Variants in TFEC observed in about 807,000 individuals in gnomAD.
TFEC encodes the protein class E basic helix-loop-helix protein 34.
TFEC carries 31 observed loss-of-function variants against 41.6 expected under a neutral mutation model. The ratio of observed to expected loss-of-function variants is 0.74; its 90% CI spans 0.56 to 1.01. The LOEUF (loss-of-function observed/expected upper bound fraction) is 1.01, where lower values mean the gene tolerates loss of function less well. Among genes scored for constraint, TFEC ranks in the 50% least tolerant of loss-of-function variants. The pLI is 0.00. For missense variants in TFEC, 402 were observed against 404.1 expected (o/e 0.99, Z 0.04); for synonymous variants, 143 against 140.6 (o/e 1.02, Z -0.12).
intron 1 of TFEC, among the ~76,000 whole-genome samples, chr7:116,027,884 T>C (rs1795645262): frequency 6.6e-6 from 1 of 152,158 alleles, no homozygotes; most frequent in South Asian, 2.1e-4. Flanking sequence ...AATTCCTTTT[T>C]TTAGATCGAT....
At chr7:116,143,272 C>G (rs191417274) in intron 1 of TFEC, among the ~76,000 whole-genome samples, 1 of 152,266 alleles carries the variant, frequency 6.6e-6, no homozygotes, top group East Asian at 1.9e-4. Flanking sequence ...TTCAGACCAC[C>G]TGCCTGACTT....
In TFEC at chr7:115,937,888, G is replaced by C. The variant is rs555031014; in HGVS notation, c.*2663C>G. Reference sequence around the variant, plus strand: ...AAACAGTTCTATACTTTTCTAGGGAGAGGGTCTATAACTCACTAGATTCTC... The same window carrying C: ...AAACAGTTCTATACTTTTCTAGGGACAGGGTCTATAACTCACTAGATTCTC... On this transcript the variant is annotated 3_prime_UTR_variant, in exon 8 of 8. Transcript: ENST00000265440. 6.6e-6 allele frequency: 1 copy of C among 151,900 alleles called. No homozygotes were observed. The highest frequency in any genetic ancestry group is 1.9e-4 in the East Asian group (1 of 5,162). The allele number at this position is 151,900 out of a possible 1,614,324, so 9.4% of individuals were successfully genotyped here. A position where few individuals can be genotyped will look rare whatever the true frequency, so the allele number is the denominator to read the frequency against.
chr7:116,060,630 T>G (rs1796531874), intron 3 of TFEC, among the ~76,000 whole-genome samples: 1 of 152,144 alleles, frequency 6.6e-6, no homozygotes, highest in African/African-American at 2.4e-5. Flanking sequence ...AAATACTGTA[T>G]GTTTTCACTT....
Position 115,983,458 on chromosome 7 carries a change from C to G in TFEC, c.180+804G>C, listed in dbSNP as rs141712606. ...ATTGACCTGAAATCGGCAATAAACA[C>G]CAGGAATGTAGATTGGGAGATTAAA... On this transcript the variant is annotated intron_variant, in intron 2 of 7. Transcript: ENST00000265440. Among the ~76,000 whole-genome samples, 18 of 151,996 alleles carry G rather than the reference C, an allele frequency of 1.2e-4. No individual in the cohort carries two copies. In the East Asian group the frequency reaches 3.5e-3, roughly 29 times the overall value.
At chr7:116,154,637 T>C (rs963769476) in intron 1 of TFEC, among the ~76,000 whole-genome samples, 6 of 152,200 alleles carry the variant, frequency 3.9e-5, no homozygotes, top group African/African-American at 1.4e-4. Context: ...TTAATGAATA[T>C]ATAATTCTTT....
chr7:115,990,742 A>T (rs1794071737), intron 1 of TFEC, among the ~76,000 whole-genome samples: 1 of 152,238 alleles, frequency 6.6e-6, no homozygotes, highest in East Asian at 1.9e-4. Flanking sequence ...AAAAAGACCA[A>T]ATCTACATCT....
chr7:116,104,965 C>T (rs954969674), intron 3 of TFEC, among the ~76,000 whole-genome samples: 14 of 152,254 alleles, frequency 9.2e-5, no homozygotes, highest in African/African-American at 3.4e-4. Context: ...TATTTTTTCA[C>T]TGCCTTCTCA....
intron 3 of TFEC, among the ~76,000 whole-genome samples, chr7:116,097,440 C>T (rs1264113591): frequency 6.6e-6 from 1 of 152,116 alleles, no homozygotes; most frequent in Non-Finnish European, 1.5e-5. Flanking sequence ...AATATGCCAA[C>T]ATCAATATTC....
chr7:115,956,679 C>G lies in TFEC; in HGVS notation c.382G>C (p.Glu128Gln). ...SSLPMKREIT[E>Q]TDTRALAKER... is the part of the protein sequence containing the mutation. ...GGTAAAACTATAAAAGCAACATTACCTGTAATTTCTCTTTTCATTGGTAGA... is the reference window on the plus strand; with the variant it reads ...GGTAAAACTATAAAAGCAACATTACGTGTAATTTCTCTTTTCATTGGTAGA... Residue 128 changes from glutamate to glutamine, a missense_variant and splice_region_variant, in exon 4 of 8, where the codon GAA (glutamate) becomes CAA (glutamine). By Grantham distance (29) the Glu-to-Gln change is conservative. Transcript: ENST00000265440. 1 of 1,593,106 alleles carries G rather than the reference C, an allele frequency of 6.3e-7. No individual in the cohort carries two copies. Among genetic ancestry groups the G allele is most frequent in the Non-Finnish European group, 8.6e-7 (1 of 1,168,210 alleles).
chr7:115,989,555 G>A (rs1027194527), intron 1 of TFEC, among the ~76,000 whole-genome samples: 18 of 152,034 alleles, frequency 1.2e-4, no homozygotes, highest in South Asian at 4.1e-4. Context: ...CTAATACTGC[G>A]CTTTTCCAGA....
At chr7:116,138,476 A>T (rs1446136216) in intron 1 of TFEC, among the ~76,000 whole-genome samples, 1 of 152,210 alleles carries the variant, frequency 6.6e-6, no homozygotes, top group Non-Finnish European at 1.5e-5. Context: ...GGCCTGAGAT[A>T]ACTCGGTCAA....
At chr7:116,155,120 T>C (rs1292786618) in intron 1 of TFEC, among the ~76,000 whole-genome samples, 1 of 152,220 alleles carries the variant, frequency 6.6e-6, no homozygotes, top group East Asian at 1.9e-4. Flanking sequence ...TCACTCTCCT[T>C]GAAAGACCTA....
chr7:115,937,569 T>C lies in TFEC; in HGVS notation c.*2982A>G, dbSNP rs771857993. On this transcript the variant is annotated 3_prime_UTR_variant, in exon 8 of 8. Coordinates refer to ENST00000265440, the MANE Select transcript of TFEC (RefSeq NM_012252.4). ...GTGAAACTGACCCATATATAATAAATAGAAGGCATAGTTTGCTGAGTGGGG... is the reference window on the plus strand; with the variant it reads ...GTGAAACTGACCCATATATAATAAACAGAAGGCATAGTTTGCTGAGTGGGG... 1.3e-5 allele frequency: 2 copies of C among 151,818 alleles called. No individual in the cohort carries two copies. The highest frequency in any genetic ancestry group is 3.0e-5 in the Non-Finnish European group (2 of 67,774). The allele number at this position is 151,818 out of a possible 1,614,324, so 9.4% of individuals were successfully genotyped here.
At chr7:116,007,847 T>C (rs1794858485) in intron 1 of TFEC, among the ~76,000 whole-genome samples, 1 of 152,218 alleles carries the variant, frequency 6.6e-6, no homozygotes, top group Admixed American at 6.5e-5. Context: ...TTATGTAGGA[T>C]TATATTCATT....
intron 1 of TFEC, among the ~76,000 whole-genome samples, chr7:116,113,734 G>T (rs955271756): frequency 5.3e-5 from 8 of 152,012 alleles, no homozygotes; most frequent in African/African-American, 1.9e-4. Flanking sequence ...TAGGTTCAAA[G>T]TTGCTAAAAT....
chr7:116,142,410 T>G (rs750864440), intron 1 of TFEC, among the ~76,000 whole-genome samples: 3 of 152,190 alleles, frequency 2.0e-5, no homozygotes, highest in Admixed American at 6.5e-5. Flanking sequence ...CAGAATGTAC[T>G]CCCACATACA....
intron 2 of TFEC, among the ~76,000 whole-genome samples, chr7:115,974,507 T>C (rs1433233284): frequency 1.4e-5 from 2 of 142,882 alleles, no homozygotes; most frequent in African/African-American, 5.1e-5. Flanking sequence ...CTTTGGTCTG[T>C]TGCTTTTTCT....
chr7:115,950,481 C>A (rs567079708), intron 6 of TFEC, among the ~76,000 whole-genome samples: 1 of 152,112 alleles, frequency 6.6e-6, no homozygotes, highest in Admixed American at 6.6e-5. Flanking sequence ...CTTGGAAAAT[C>A]TAACAATTCT....
intron 1 of TFEC, among the ~76,000 whole-genome samples, chr7:116,144,786 A>G (rs1346336315): frequency 6.6e-6 from 1 of 152,234 alleles, no homozygotes. Flanking sequence ...TTCTGCCTCA[A>G]GATTGCAGCA....
Sources: allele counts gnomAD v4.1 joint callset (sites outside exome capture counted in the v4.1 genomes callset), GRCh38; gene constraint gnomAD v4.1.1; transcripts MANE v1.5; gene names NCBI Gene and HGNC (gene_info 2026-07-23, HGNC 2026-07-21).